The following TCEANC variants were observed in gnomAD, a reference collection of about 807,000 sequenced individuals.
TCEANC encodes transcription elongation factor A N-terminal and central domain-containing protein.
A neutral mutation model predicts 8.7 loss-of-function variants in TCEANC; 8 were observed. The ratio of observed to expected loss-of-function variants is 0.92; its 90% CI spans 0.54 to 1.65. The LOEUF is 1.65. Among genes scored for constraint, TCEANC ranks in the 40% most tolerant of loss-of-function variants. The pLI, the probability that TCEANC is intolerant of heterozygous loss-of-function variation, is 0.00. For missense variants in TCEANC, 255 were observed against 251.9 expected (o/e 1.01, Z -0.08); for synonymous variants, 78 against 92.9 (o/e 0.84, Z 0.92).
exon 2 of TCEANC, chrX:13,665,214 T>G (rs976930559): frequency 1.6e-5 from 2 of 123,544 alleles, no homozygotes; most frequent in African/African-American, 6.5e-5. Flanking sequence ...CAAAGTGTGG[T>G]TTCATATGAC....
chrX:13,664,511 G>A (rs1228979408), exon 2 of TCEANC: 1 of 123,095 alleles, frequency 8.1e-6, no homozygotes. Flanking sequence ...TTAGTTGAAG[G>A]AGTTTCGTAG....
At chrX:13,663,164 A>C in exon 2 of TCEANC, 1 of 1,206,223 alleles carries the variant, frequency 8.3e-7, no homozygotes, top group Non-Finnish European at 1.1e-6. Context: ...AACATCAAAA[A>C]ATATAAAACT....
At chrX:13,663,184 A>G in exon 2 of TCEANC, 4 of 1,206,495 alleles carry the variant, frequency 3.3e-6, no homozygotes, top group Non-Finnish European at 4.5e-6. Flanking sequence ...TTGCATCAGA[A>G]GCAAAGTTGC....
chrX:13,658,840 G>A (rs755749799), intron 1 of TCEANC, among the ~76,000 whole-genome samples: 2 of 112,327 alleles, frequency 1.8e-5, no homozygotes, highest in South Asian at 7.3e-4. Flanking sequence ...GAGCTGGAAT[G>A]TAGAAAACCT....
At chrX:13,653,888 A>G (rs2045903145), upstream of TCEANC, among the ~76,000 whole-genome samples, 1 of 111,785 alleles carries the variant, frequency 8.9e-6, no homozygotes, top group Non-Finnish European at 1.9e-5. Flanking sequence ...ATCCAATACC[A>G]TATTTCGTGC....
exon 2 of TCEANC, chrX:13,664,676 T>G (rs1195313132): frequency 8.1e-6 from 1 of 123,060 alleles, no homozygotes; most frequent in African/African-American, 3.3e-5. Context: ...GTCATTAGTC[T>G]GTCAGAGGAA....
At position 13,658,033 on chromosome X, in the gene TCEANC, A is replaced by G. The variant is rs142778370; in HGVS notation, c.-9+2660A>G. 1.2e-4 allele frequency among the ~76,000 whole-genome samples: 14 copies of G among 112,344 alleles called. No individual in the cohort carries two copies. In the East Asian group the frequency reaches 3.9e-3, roughly 31 times the overall value. Reference sequence around the variant, plus strand: ...ACCTTGAAAACGTTATGCTGAATAGAAGAAGCCAGATACAAAAGACCACAT... The same window carrying G: ...ACCTTGAAAACGTTATGCTGAATAGGAGAAGCCAGATACAAAAGACCACAT... On this transcript the variant is annotated intron_variant, in intron 1 of 1. Transcript: ENST00000380600.
At chrX:13,659,065 TAAAA>T (rs943553506) in intron 1 of TCEANC, among the ~76,000 whole-genome samples, 2 of 111,654 alleles carry the variant, frequency 1.8e-5, no homozygotes, top group Middle Eastern at 4.6e-3. Flanking sequence ...CACAGAAAAA[TAAAA>T]AATATTCACA....
chrX:13,654,258 C>T (rs972009585), upstream of TCEANC, among the ~76,000 whole-genome samples: 3 of 112,663 alleles, frequency 2.7e-5, no homozygotes, highest in Non-Finnish European at 3.8e-5. Context: ...TTGTGGTTTA[C>T]ATGTTATATA....
At chrX:13,653,205 G>A (rs1280163143), upstream of TCEANC, 1 of 112,992 alleles carries the variant, frequency 8.9e-6, no homozygotes, top group Non-Finnish European at 1.9e-5. Flanking sequence ...CATGCTTCAG[G>A]TTTGCCAGGG....
At chrX:13,657,082 T>G (rs113750474) in intron 1 of TCEANC, among the ~76,000 whole-genome samples, 2,030 of 112,373 alleles carry the variant, frequency 0.018, 50 homozygotes, top group African/African-American at 0.063. Flanking sequence ...TTATAGCACT[T>G]GATATTAAAT....
intron 1 of TCEANC, among the ~76,000 whole-genome samples, chrX:13,661,899 C>G (rs1343920971): frequency 1.8e-5 from 2 of 112,251 alleles, no homozygotes; most frequent in Non-Finnish European, 3.8e-5. Context: ...AGCCTGTTGG[C>G]TTTTGGGACC....
chrX:13,661,411 A>G (rs763703061), intron 1 of TCEANC, among the ~76,000 whole-genome samples: 9 of 112,314 alleles, frequency 8.0e-5, no homozygotes, highest in African/African-American at 1.9e-4. Flanking sequence ...AAGTAGAATT[A>G]CTAAAAGGTC....
intron 1 of TCEANC, among the ~76,000 whole-genome samples, chrX:13,656,129 G>A (rs2045922320): frequency 8.9e-6 from 1 of 112,153 alleles, no homozygotes; most frequent in Non-Finnish European, 1.9e-5. Context: ...AGATGATGGC[G>A]AGCCCAGATA....
upstream of TCEANC, among the ~76,000 whole-genome samples, chrX:13,653,621 C>T (rs956018530): frequency 1.8e-5 from 2 of 111,650 alleles, no homozygotes; most frequent in African/African-American, 6.5e-5. Flanking sequence ...TCGTTTCTCT[C>T]CATAGAGGGC....
At chrX:13,658,209 T>G (rs937108857) in intron 1 of TCEANC, among the ~76,000 whole-genome samples, 416 of 110,673 alleles carry the variant, frequency 3.8e-3, no homozygotes, top group African/African-American at 0.013. Flanking sequence ...TCTTGGGGGG[T>G]GGTGGCACAG....
Position 13,659,242 on chromosome X carries a change from T to G in TCEANC, c.-8-3259T>G, listed in dbSNP as rs887822778. ...GAAGAAACATTCAATGTGCCTGCAT[T>G]CTATATGCATTACTATTGAAATCAG... is the stretch of plus-strand genomic sequence containing the variant. On this transcript the variant is annotated intron_variant, in intron 1 of 1. Coordinates refer to ENST00000380600, the Ensembl canonical transcript of TCEANC. Among the ~76,000 whole-genome samples, 3 of 112,286 alleles carry G rather than the reference T, an allele frequency of 2.7e-5. No individual in the cohort carries two copies. In the Admixed American group the frequency reaches 2.8e-4, roughly 11 times the overall value.
intron 1 of TCEANC, among the ~76,000 whole-genome samples, chrX:13,658,183 TAA>T (rs972275376): frequency 9.8e-5 from 11 of 112,038 alleles, no homozygotes; most frequent in Non-Finnish European, 2.1e-4. Flanking sequence ...GAGTGGCTGC[TAA>T]AGTGCAGGGA....
intron 1 of TCEANC, among the ~76,000 whole-genome samples, chrX:13,658,252 A>G (rs889163687): frequency 2.7e-5 from 3 of 112,048 alleles, no homozygotes; most frequent in Non-Finnish European, 3.8e-5. Context: ...ATTTGTGGTG[A>G]TGGGTTACAC....
Sources: allele counts gnomAD v4.1 joint callset (sites outside exome capture counted in the v4.1 genomes callset), GRCh38; gene constraint gnomAD v4.1.1; transcripts MANE v1.5; gene names NCBI Gene and HGNC (gene_info 2026-07-23, HGNC 2026-07-21).